Variants in PCDHA6 observed in about 807,000 individuals in gnomAD.
The protein encoded by PCDHA6 is protocadherin alpha-6.
PCDHA6 carries 55 observed loss-of-function variants against 60.3 expected under a neutral mutation model. The observed-to-expected ratio is 0.91, with a 90% CI of 0.73 to 1.14. The LOEUF (loss-of-function observed/expected upper bound fraction) is 1.14, where lower values mean the gene tolerates loss of function less well. Among genes scored for constraint, PCDHA6 ranks in the 50% most tolerant of loss-of-function variants. PCDHA6 has a pLI of 0.00. For missense variants in PCDHA6, 1,327 were observed against 1,256.5 expected, an observed-to-expected ratio of 1.06 and a Z score of -0.85; for synonymous variants, 652 against 557.9, an observed-to-expected ratio of 1.17 and a Z score of -2.38.
chr5:140,886,413 C>T (rs1465937681), intron 1 of PCDHA6, among the ~76,000 whole-genome samples: 1 of 152,042 alleles, frequency 6.6e-6, no homozygotes, highest in Non-Finnish European at 1.5e-5. Flanking sequence ...ATGTTTTCCT[C>T]CTATATTATT....
intron 1 of PCDHA6, among the ~76,000 whole-genome samples, chr5:140,954,167 CT>C (rs1366012595): frequency 2.6e-5 from 4 of 152,212 alleles, no homozygotes; most frequent in African/African-American, 9.6e-5. Context: ...ACCACATTTT[CT>C]TTATCCAGTC....
intron 1 of PCDHA6, chr5:140,842,489 A>G (rs1778000282): frequency 6.2e-7 from 1 of 1,613,908 alleles, no homozygotes; most frequent in Middle Eastern, 1.6e-4. Context: ...CTGCTCCCTG[A>G]TGCCCCATGT....
intron 1 of PCDHA6, among the ~76,000 whole-genome samples, chr5:140,952,530 A>C (rs246033): frequency 0.56 from 85,631 of 151,920 alleles, 24,768 homozygotes; most frequent in African/African-American, 0.69. Flanking sequence ...ACCTCCTCAG[A>C]CTGGACTTCT....
At chr5:140,963,421 T>C (rs1554226598) in intron 1 of PCDHA6, among the ~76,000 whole-genome samples, 2 of 152,252 alleles carry the variant, frequency 1.3e-5, no homozygotes, top group African/African-American at 4.8e-5. Flanking sequence ...ACAGCATGTT[T>C]AGGAACTAAC....
intron 1 of PCDHA6, among the ~76,000 whole-genome samples, chr5:140,914,272 A>G (rs1356508399): frequency 2.0e-5 from 3 of 152,212 alleles, no homozygotes; most frequent in Non-Finnish European, 4.4e-5. Context: ...GGGTGCATAT[A>G]TATTTATAAT....
At chr5:140,968,165 C>T in intron 1 of PCDHA6, 6 of 1,614,120 alleles carry the variant, frequency 3.7e-6, no homozygotes, top group African/African-American at 1.3e-5. Flanking sequence ...TGACAATCCA[C>T]CAAGCTTCCT....
chr5:140,855,039 TG>T lies in PCDHA6; in HGVS notation c.2394+24555del, dbSNP rs1451069015. ...AAACTTCTTGTATAAAGGATTTTTC[TG>T]TAATAGTACTTTTCTGTTTTCTTAA... On this transcript the variant is annotated intron_variant, in intron 1 of 3. Transcript: ENST00000529310. Among the ~76,000 whole-genome samples, 12 of 150,016 alleles carry T rather than the reference TG, an allele frequency of 8.0e-5. 1 individual carries two copies. Among genetic ancestry groups the T allele is most frequent in the African/African-American group, 2.9e-4 (12 of 40,938 alleles).
intron 1 of PCDHA6, among the ~76,000 whole-genome samples, chr5:140,838,812 C>T (rs1475973999): frequency 6.6e-6 from 1 of 151,910 alleles, no homozygotes; most frequent in Non-Finnish European, 1.5e-5. Context: ...GTTTCAGCTA[C>T]TCAAGAAACT....
chr5:140,892,384 A>T (rs1313796499), intron 1 of PCDHA6, among the ~76,000 whole-genome samples: 1 of 152,162 alleles, frequency 6.6e-6, no homozygotes, highest in Non-Finnish European at 1.5e-5. Flanking sequence ...AATCATGGGT[A>T]ATCTTAATCT....
At chr5:140,868,986 C>T in intron 1 of PCDHA6, 1 of 1,503,326 alleles carries the variant, frequency 6.7e-7, no homozygotes. Flanking sequence ...TACCGGATGC[C>T]ACCGTTTAAG....
chr5:140,968,272 A>G (rs369285531), intron 1 of PCDHA6: 1 of 1,613,936 alleles, frequency 6.2e-7, no homozygotes, highest in African/African-American at 1.3e-5. Context: ...AGGAGAATGC[A>G]GAGGTGACCT....
chr5:140,830,561 A>T (rs1473385985), intron 1 of PCDHA6, 76 bp downstream of exon 1: 9 of 998,078 alleles, frequency 9.0e-6, no homozygotes, highest in Non-Finnish European at 1.2e-5. Flanking sequence ...TGTCTTCTAT[A>T]TTTCTGTTTT....
chr5:140,986,566 TTA>T (rs782155316), intron 3 of PCDHA6, among the ~76,000 whole-genome samples: 3 of 152,114 alleles, frequency 2.0e-5, no homozygotes, highest in Non-Finnish European at 4.4e-5. Context: ...TTGTTATCTG[TTA>T]TTGGTTTTTC....
intron 1 of PCDHA6, among the ~76,000 whole-genome samples, chr5:140,961,096 G>A (rs1040764862): frequency 3.9e-5 from 6 of 152,222 alleles, no homozygotes; most frequent in Admixed American, 3.3e-4. Flanking sequence ...TGACTTTTTG[G>A]TCACCCAACC....
chr5:140,967,401 G>A lies in PCDHA6; in HGVS notation c.2395-11548G>A. On this transcript the variant is annotated intron_variant, in intron 1 of 3. Transcript: ENST00000529310. ...AGTAAAGTGCTTGAGCTGGTGCTGC[G>A]TAAGGGCCTAGACCGGGAGCAGGCA... 3.1e-6 allele frequency: 5 copies of A among 1,611,944 alleles called. No individual in the cohort carries two copies. Among genetic ancestry groups the A allele is most frequent in the East Asian group, 2.2e-5 (1 of 44,806 alleles).
rs1562298994 is a variant in PCDHA6 at position 140,828,682 on chromosome 5, G to T, written c.591G>T (p.Lys197Asn). 6.2e-7 allele frequency: 1 copy of T among 1,614,236 alleles called. No homozygotes were observed. The highest frequency in any genetic ancestry group is 8.5e-7 in the Non-Finnish European group (1 of 1,180,046). ...DDNKQIGLLL[K>N]KSLDREEAPA... ...ATAAACAAATTGGGCTCTTATTAAA[G>T]AAATCCTTGGACAGAGAGGAAGCTC... Residue 197 changes from lysine to asparagine, a missense_variant, in exon 1 of 4, where the codon AAG becomes AAT. By Grantham distance (94) the Lys-to-Asn change is moderately conservative (BLOSUM62 0). Coordinates refer to ENST00000529310, the MANE Select transcript of PCDHA6 (RefSeq NM_018909.4).
At chr5:140,844,212 C>T (rs1554140567) in intron 1 of PCDHA6, among the ~76,000 whole-genome samples, 1 of 149,426 alleles carries the variant, frequency 6.7e-6, no homozygotes, top group African/African-American at 2.4e-5. Context: ...GTCTGGTAGT[C>T]ACAAATATCT....
intron 1 of PCDHA6, chr5:140,884,079 A>G (rs2059982825): frequency 5.6e-6 from 9 of 1,613,504 alleles, no homozygotes; most frequent in South Asian, 3.3e-5. Context: ...TCGGGCTACA[A>G]TGCGTGGCTT....
At chr5:141,009,450 A>G (rs1272306412) in intron 3 of PCDHA6, among the ~76,000 whole-genome samples, 177 bp from the exon 4 acceptor site, 1 of 152,250 alleles carries the variant, frequency 6.6e-6, no homozygotes, top group Non-Finnish European at 1.5e-5. Context: ...TCTCAAAAAA[A>G]TTAAACAAAT....
Sources: gnomAD v4.1 joint callset for allele counts (sites outside exome capture counted in the v4.1 genomes callset) on GRCh38, gnomAD v4.1.1 for gene constraint, MANE v1.5 for transcripts, NCBI Gene and HGNC (gene_info 2026-07-23, HGNC 2026-07-21) for gene names.